Variants in MEF2C observed in about 807,000 individuals in gnomAD.
MEF2C encodes the protein myocyte-specific enhancer factor 2C.
Under a neutral mutation model 50.5 loss-of-function variants are expected in MEF2C, and 6 were observed. The observed-to-expected ratio is 0.12, with a 90% confidence interval of 0.07 to 0.23. The LOEUF is 0.23. Ranked by LOEUF, MEF2C falls within the 10% of genes least tolerant of loss-of-function variation. MEF2C has a pLI of 1.00. For synonymous variants in MEF2C, 183 were observed against 228.0 expected (o/e 0.80, Z 1.78); for missense variants, 276 against 605.0 (o/e 0.46, Z 5.70).
At chr5:88,856,030 G>A (rs1823199315) in intron 1 of MEF2C, among the ~76,000 whole-genome samples, 1 of 152,172 alleles carries the variant, frequency 6.6e-6, no homozygotes, top group South Asian at 2.1e-4. Flanking sequence ...CTAGAGACTT[G>A]TTGAATGCCT....
intron 3 of MEF2C, chr5:88,785,254 A>T (rs1334912583): frequency 6.7e-6 from 1 of 149,498 alleles, no homozygotes; most frequent in East Asian, 2.0e-4. Context: ...TAGAAAAAAA[A>T]AGCATTCCCA....
intron 1 of MEF2C, among the ~76,000 whole-genome samples, chr5:88,857,855 G>T (rs370671087): frequency 2.6e-5 from 4 of 152,232 alleles, no homozygotes; most frequent in South Asian, 2.1e-4. Flanking sequence ...TCATAGCAGC[G>T]TAAGAACAAA....
At chr5:88,752,245 A>G (rs901004067) in intron 4 of MEF2C, among the ~76,000 whole-genome samples, 16 of 152,236 alleles carry the variant, frequency 1.1e-4, no homozygotes, top group Non-Finnish European at 2.1e-4. Flanking sequence ...CTTTGCAACC[A>G]TTAAAAAATG....
At chr5:88,723,121 A>G (rs992076084) in intron 10 of MEF2C, among the ~76,000 whole-genome samples, 196 bp from the exon 11 acceptor site, 4 of 152,190 alleles carry the variant, frequency 2.6e-5, no homozygotes, top group Non-Finnish European at 5.9e-5. Flanking sequence ...TTTGCCCGGT[A>G]GTAATTACAG....
In MEF2C at chr5:88,840,690, T is replaced by C. The variant is rs562868901; in HGVS notation, c.-142-16760A>G. ...CCACTTCTCTAGTTTACCAAGGTTA[T>C]GCTGAATTCCTATCTTTCAAGGGCC... On this transcript the variant is annotated intron_variant, in intron 1 of 10. Transcript: ENST00000504921. Among the ~76,000 whole-genome samples the C allele has an allele frequency of 2.2e-4, 33 of 152,312 alleles. No individual in the cohort carries two copies. The South Asian group carries it at 4.1e-3, about 19-fold the overall frequency.
At chr5:88,888,279 C>T (rs948177133) in intron 1 of MEF2C, 5 of 152,238 alleles carry the variant, frequency 3.3e-5, no homozygotes, top group African/African-American at 1.2e-4. Flanking sequence ...TGAACCTTTC[C>T]TTGGCTTCAG....
chr5:88,809,962 C>T (rs925311930), intron 2 of MEF2C, among the ~76,000 whole-genome samples: 1 of 152,160 alleles, frequency 6.6e-6, no homozygotes, highest in African/African-American at 2.4e-5. Flanking sequence ...TATTATGAGA[C>T]TTACTCCAGT....
At chr5:88,899,102 A>G (rs1835388021) in intron 1 of MEF2C, among the ~76,000 whole-genome samples, 3 of 152,208 alleles carry the variant, frequency 2.0e-5, no homozygotes, top group Admixed American at 2.0e-4. Context: ...CTTATAGTGC[A>G]TACTGAAAAG....
intron 2 of MEF2C, among the ~76,000 whole-genome samples, chr5:88,820,339 T>A (rs1255327384): frequency 2.0e-5 from 3 of 152,150 alleles, no homozygotes; most frequent in Admixed American, 2.0e-4. Context: ...ATTTGAGCTG[T>A]CAATTTTTAT....
At position 88,749,191 on chromosome 5, in the gene MEF2C, C is replaced by T. The variant is rs770765665; in HGVS notation, c.590-74G>A. On this transcript the variant is annotated intron_variant, in intron 5 of 10. Transcript: ENST00000504921. Reference sequence around the variant, plus strand: ...GAACAAAACACTTTACCTTCAGCAACCTCAGTATTTTGTCCTCTTGCAATA... The same window carrying T: ...GAACAAAACACTTTACCTTCAGCAATCTCAGTATTTTGTCCTCTTGCAATA... 34 of 1,424,552 alleles carry T rather than the reference C, an allele frequency of 2.4e-5. No individual in the cohort carries two copies. In the Admixed American group the frequency reaches 3.7e-4, roughly 16 times the overall value. 88.2% of individuals were successfully genotyped at this position (1,424,552 alleles called of 1,614,324 possible). A position where few individuals can be genotyped will look rare whatever the true frequency, so the allele number is the denominator to read the frequency against.
intron 6 of MEF2C, chr5:88,742,843 C>T: frequency 2.0e-6 from 2 of 984,216 alleles, no homozygotes; most frequent in South Asian, 4.7e-5. Flanking sequence ...ATTTTCTTGG[C>T]AGTAGCTGCA....
intron 3 of MEF2C, among the ~76,000 whole-genome samples, chr5:88,791,999 GACTT>G (rs1793983006): frequency 6.6e-6 from 1 of 152,046 alleles, no homozygotes; most frequent in Admixed American, 6.6e-5. Flanking sequence ...GGGGAGGGTA[GACTT>G]ACTTAGTCAC....
chr5:88,888,657 C>T (rs982250216), intron 1 of MEF2C, among the ~76,000 whole-genome samples: 4 of 151,756 alleles, frequency 2.6e-5, no homozygotes, highest in African/African-American at 7.2e-5. Context: ...ACACATCTCC[C>T]AGGGCCTATT....
intron 6 of MEF2C, among the ~76,000 whole-genome samples, chr5:88,744,863 T>C (rs1393579466): frequency 1.3e-5 from 2 of 152,218 alleles, no homozygotes; most frequent in Admixed American, 1.3e-4. Flanking sequence ...AACCCACATT[T>C]CATTTACTAC....
At chr5:88,799,405 G>A (rs1004715091) in intron 3 of MEF2C, among the ~76,000 whole-genome samples, 10 of 152,158 alleles carry the variant, frequency 6.6e-5, no homozygotes, top group African/African-American at 2.4e-4. Flanking sequence ...ATTTTTATAA[G>A]TATAAAATTA....
chr5:88,895,144 G>A (rs1448672342), intron 1 of MEF2C, among the ~76,000 whole-genome samples: 2 of 152,128 alleles, frequency 1.3e-5, no homozygotes, highest in African/African-American at 4.8e-5. Flanking sequence ...TCTCAATGTT[G>A]TAGTTATGTA....
chr5:88,831,215 GT>G (rs1289416901), intron 1 of MEF2C, among the ~76,000 whole-genome samples: 3 of 152,012 alleles, frequency 2.0e-5, no homozygotes, highest in African/African-American at 7.2e-5. Flanking sequence ...TTGTGCATGT[GT>G]GCACATGTGT....
At chr5:88,847,870 A>C (rs1056698193) in intron 1 of MEF2C, among the ~76,000 whole-genome samples, 1 of 152,168 alleles carries the variant, frequency 6.6e-6, no homozygotes. Context: ...TATTTACACA[A>C]TTTTTGGTAA....
intron 1 of MEF2C, among the ~76,000 whole-genome samples, chr5:88,827,852 C>A (rs1157230742): frequency 2.7e-5 from 4 of 148,184 alleles, no homozygotes; most frequent in Non-Finnish European, 4.5e-5. Context: ...ATTATGAAAA[C>A]CGGCAAAAAA....
Sources: gnomAD v4.1 joint callset for allele counts (sites outside exome capture counted in the v4.1 genomes callset) on GRCh38, gnomAD v4.1.1 for gene constraint, MANE v1.5 for transcripts, NCBI Gene and HGNC (gene_info 2026-07-23, HGNC 2026-07-21) for gene names.